FAM83B: variants seen among roughly 807,000 people sequenced by gnomAD.
The protein encoded by FAM83B is scaffolding CK1 anchoring protein B.
A neutral mutation model predicts 38.8 loss-of-function variants in FAM83B; 26 were observed. The observed-to-expected ratio is 0.67, with a 90% CI of 0.49 to 0.93. The LOEUF (loss-of-function observed/expected upper bound fraction) is 0.93. FAM83B is among the 40% of genes least tolerant of loss of function. FAM83B has a pLI of 0.00. For missense variants in FAM83B, 1,237 were observed against 1,197.3 expected (o/e 1.03, Z -0.49); for synonymous variants, 419 against 423.1 (o/e 0.99, Z 0.12).
At chr6:54,887,353 T>C (rs1035224321) in intron 2 of FAM83B, among the ~76,000 whole-genome samples, 2 of 152,170 alleles carry the variant, frequency 1.3e-5, no homozygotes, top group Non-Finnish European at 2.9e-5. Flanking sequence ...TTCTGCAGGA[T>C]TGACTGCAGG....
intron 4 of FAM83B, 152 bp downstream of exon 4, chr6:54,927,784 A>T: frequency 3.2e-6 from 2 of 616,594 alleles, no homozygotes; most frequent in Non-Finnish European, 4.8e-6. Context: ...TTAGAGACCT[A>T]GGTTTGAGTC....
chr6:54,871,431 G>A (rs1049382281), intron 2 of FAM83B, among the ~76,000 whole-genome samples: 2 of 151,510 alleles, frequency 1.3e-5, no homozygotes, highest in African/African-American at 4.9e-5. Context: ...TAAAATGTAT[G>A]GGCAAGGCTG....
intron 2 of FAM83B, among the ~76,000 whole-genome samples, chr6:54,888,900 G>C (rs867851881): frequency 1.3e-5 from 2 of 151,720 alleles, no homozygotes; most frequent in Non-Finnish European, 2.9e-5. Context: ...TGTTTTGTTT[G>C]TTTGTTTGTT....
At chr6:54,915,812 C>CA (rs58597609) in intron 2 of FAM83B, among the ~76,000 whole-genome samples, 1,402 of 17,542 alleles carry the variant, frequency 0.08, 155 homozygotes, top group Non-Finnish European at 0.13. Context: ...GACTCCGTCT[C>CA]AAAAAAAAAA....
chr6:54,878,065 A>G (rs994520823), intron 2 of FAM83B, among the ~76,000 whole-genome samples: 3 of 152,194 alleles, frequency 2.0e-5, no homozygotes, highest in Non-Finnish European at 4.4e-5. Flanking sequence ...AGGCACTGAA[A>G]GGAAATGCGT....
chr6:54,885,576 C>T (rs771323401), intron 2 of FAM83B, among the ~76,000 whole-genome samples: 1 of 151,876 alleles, frequency 6.6e-6, no homozygotes, highest in African/African-American at 2.4e-5. Context: ...TTATTTTTCT[C>T]TTTTCCAACC....
intron 2 of FAM83B, among the ~76,000 whole-genome samples, chr6:54,883,786 G>T (rs1156590159): frequency 6.6e-6 from 1 of 151,382 alleles, no homozygotes; most frequent in African/African-American, 2.4e-5. Flanking sequence ...GGATTAACAG[G>T]AGTTCTTAAT....
At chr6:54,850,607 A>T (rs1036184632) in intron 1 of FAM83B, among the ~76,000 whole-genome samples, 3 of 152,206 alleles carry the variant, frequency 2.0e-5, no homozygotes, top group African/African-American at 7.2e-5. Context: ...ATAACTCAAC[A>T]TAAGATGTTT....
In FAM83B at chr6:54,939,795, C is replaced by T; in HGVS notation, c.824C>T (p.Thr275Ile). ...LVESFDEEFRTLYARSCVPSS... is the reference protein window; with the variant it reads ...LVESFDEEFRILYARSCVPSS... The stretch of plus-strand genomic sequence containing the variant: ...GAGTCCTTTGATGAAGAATTTAGAA[C>T]TCTCTATGCCAGATCCTGTGTCCCT... Residue 275 changes from threonine (T) to isoleucine (I), a missense_variant, in exon 5 of 5, where the codon ACT (threonine) becomes ATT (isoleucine). Coordinates refer to ENST00000306858, the MANE Select transcript of FAM83B (RefSeq NM_001010872.3). 2 of 1,613,962 alleles carry T rather than the reference C, an allele frequency of 1.2e-6. No homozygotes were observed. Among genetic ancestry groups the T allele is most frequent in the Non-Finnish European group, 1.7e-6 (2 of 1,179,934 alleles).
chr6:54,872,344 C>A (rs1771877546), intron 2 of FAM83B, among the ~76,000 whole-genome samples: 1 of 152,070 alleles, frequency 6.6e-6, no homozygotes, highest in African/African-American at 2.4e-5. Flanking sequence ...TGTAAGGCAA[C>A]AGTACAAAAT....
chr6:54,846,290 A>G (rs62412645), upstream of FAM83B, among the ~76,000 whole-genome samples: 5,125 of 152,260 alleles, frequency 0.034, 91 homozygotes, highest in Middle Eastern at 0.065. Context: ...CGAAGGTGCT[A>G]CAACCCTTGC....
At chr6:54,884,267 A>G (rs1200439658) in intron 2 of FAM83B, among the ~76,000 whole-genome samples, 1 of 142,352 alleles carries the variant, frequency 7.0e-6, no homozygotes, top group Admixed American at 7.7e-5. Context: ...GCGCCACTGC[A>G]CTCCAGCCTG....
At chr6:54,878,530 C>A (rs978908629) in intron 2 of FAM83B, among the ~76,000 whole-genome samples, 4 of 152,066 alleles carry the variant, frequency 2.6e-5, no homozygotes, top group Admixed American at 1.3e-4. Context: ...AAGGAATAAG[C>A]CATGCATGTA....
Position 54,932,830 on chromosome 6 carries a change from T to C in FAM83B, c.734+5198T>C, listed in dbSNP as rs550575557. ...TTTCTGCTGAGAAAGTCACTGATAG[T>C]CTAATGGAAGCTCCCTTGTATGTGA... On this transcript the variant is annotated intron_variant, in intron 4 of 4. Coordinates refer to ENST00000306858, the MANE Select transcript of FAM83B (RefSeq NM_001010872.3). 3.3e-5 allele frequency among the ~76,000 whole-genome samples: 5 copies of C among 152,320 alleles called. No homozygotes were observed. In the South Asian group the frequency reaches 8.3e-4, roughly 25 times the overall value.
intron 1 of FAM83B, among the ~76,000 whole-genome samples, chr6:54,848,313 A>G (rs1235725711): frequency 6.6e-6 from 1 of 151,920 alleles, no homozygotes; most frequent in African/African-American, 2.4e-5. Context: ...TGGGGTATAC[A>G]CCTATTTAGG....
rs751424338 is a variant in FAM83B, at chr6:54,941,522, G to A, written c.2551G>A (p.Val851Ile). ...CCACAAGAGTAAGGAAGATGTAACA[G>A]TTAGCCCATCTCAAGAGATAAATGC... ...SIHKSKEDVT[V>I]SPSQEINAPP... Residue 851 changes from valine (V) to isoleucine (I), a missense_variant, in exon 5 of 5, where the codon GTT (valine) becomes ATT (isoleucine). Val to Ile is a conservative substitution (Grantham distance 29). Coordinates refer to ENST00000306858, the MANE Select transcript of FAM83B (RefSeq NM_001010872.3). The A allele has an allele frequency of 8.7e-6, 14 of 1,613,912 alleles. No homozygotes were observed. The highest frequency in any genetic ancestry group is 2.7e-5 in the African/African-American group (2 of 74,908).
chr6:54,940,435 A>G lies in FAM83B; in HGVS notation c.1464A>G (p.Thr488=). ...GAATGCCAACCCTTGAACATACCACAAAGTCATTCCTACGTAACTGGAGAA... is the reference window on the plus strand; with the variant it reads ...GAATGCCAACCCTTGAACATACCACGAAGTCATTCCTACGTAACTGGAGAA... ...QQRMPTLEHT[T]KSFLRNWRIE... is the part of the protein sequence containing the mutation. Residue 488 remains threonine (T), a synonymous_variant, in exon 5 of 5, where the codon ACA becomes ACG. Coordinates refer to ENST00000306858, the MANE Select transcript of FAM83B (RefSeq NM_001010872.3). The G allele has an allele frequency of 1.9e-6, 3 of 1,614,092 alleles. No homozygotes were observed. Among genetic ancestry groups the G allele is most frequent in the Non-Finnish European group, 2.5e-6 (3 of 1,180,008 alleles).
At chr6:54,903,408 CA>C (rs1772707753) in intron 2 of FAM83B, among the ~76,000 whole-genome samples, 1 of 152,162 alleles carries the variant, frequency 6.6e-6, no homozygotes, top group South Asian at 2.1e-4. Context: ...AAATTGTCTG[CA>C]TTTCTACTAC....
At chr6:54,906,962 T>C (rs1467632069) in intron 2 of FAM83B, among the ~76,000 whole-genome samples, 2 of 152,194 alleles carry the variant, frequency 1.3e-5, no homozygotes, top group Non-Finnish European at 2.9e-5. Context: ...TTCCTGATTA[T>C]ATTGAAACCC....
Sources: gnomAD v4.1 joint callset for allele counts (sites outside exome capture counted in the v4.1 genomes callset) on GRCh38, gnomAD v4.1.1 for gene constraint, MANE v1.5 for transcripts, NCBI Gene and HGNC (gene_info 2026-07-23, HGNC 2026-07-21) for gene names.